Variants in SV2C observed in about 807,000 individuals in gnomAD.
SV2C encodes the protein solute carrier family 22 member B3.
SV2C carries 49 observed loss-of-function variants against 79.7 expected under a neutral mutation model. That is an observed-to-expected ratio of 0.61 (90% CI 0.49 to 0.78). The LOEUF is 0.78. Ranked by LOEUF, SV2C falls within the 30% of genes least tolerant of loss-of-function variation. SV2C has a pLI of 0.00. For synonymous variants in SV2C, 334 were observed against 333.2 expected (o/e 1.00, Z -0.03); for missense variants, 833 against 912.9 (o/e 0.91, Z 1.13).
chr5:76,336,050 G>A (rs1411059738), downstream of SV2C, among the ~76,000 whole-genome samples: 1 of 145,150 alleles, frequency 6.9e-6, no homozygotes, highest in Admixed American at 6.8e-5. Context: ...CGGGCGGGGG[G>A]CTGACCCCCC....
the SV2C span, among the ~76,000 whole-genome samples, chr5:75,909,820 A>G: frequency 6.6e-6 from 1 of 152,158 alleles, no homozygotes; most frequent in Admixed American, 6.5e-5. Flanking sequence ...AATTGTACCT[A>G]TTTGCCCATC....
chr5:76,137,531 A>G (rs1212038702), intron 2 of SV2C, among the ~76,000 whole-genome samples: 1 of 152,090 alleles, frequency 6.6e-6, no homozygotes, highest in Non-Finnish European at 1.5e-5. Flanking sequence ...TGAGATTCTG[A>G]AAAGGGAGGT....
the SV2C span, among the ~76,000 whole-genome samples, chr5:75,999,287 T>C: frequency 3.3e-5 from 5 of 151,064 alleles, no homozygotes; most frequent in Non-Finnish European, 7.4e-5. Flanking sequence ...TATGTACATA[T>C]ATATACAGTA....
chr5:76,033,161 G>A, the SV2C span, among the ~76,000 whole-genome samples: 1 of 151,906 alleles, frequency 6.6e-6, no homozygotes, highest in Non-Finnish European at 1.5e-5. Context: ...TTTGTCAGAT[G>A]AGTAGGTTGC....
the SV2C span, among the ~76,000 whole-genome samples, chr5:75,902,942 G>A: frequency 6.6e-6 from 1 of 152,290 alleles, no homozygotes; most frequent in African/African-American, 2.4e-5. Context: ...AATGTTGACT[G>A]TGCACTGGGT....
chr5:76,054,237 T>C, the SV2C span, among the ~76,000 whole-genome samples: 29 of 152,202 alleles, frequency 1.9e-4, 1 homozygote, highest in South Asian at 6.0e-3. Flanking sequence ...AGTGAGAACA[T>C]GTGGTGTTTG....
intron 2 of SV2C, among the ~76,000 whole-genome samples, chr5:76,194,159 G>C (rs1460672675): frequency 2.0e-5 from 3 of 152,066 alleles, no homozygotes; most frequent in Non-Finnish European, 4.4e-5. Flanking sequence ...AAGGAGAAGG[G>C]GATAGGCGAG....
the SV2C span, among the ~76,000 whole-genome samples, chr5:75,881,674 T>C: frequency 6.6e-6 from 1 of 152,156 alleles, no homozygotes; most frequent in Admixed American, 6.5e-5. Context: ...CTGAAGTTGC[T>C]TATCAGCTTA....
intron 10 of SV2C, 57 bp downstream of exon 10, chr5:76,298,984 G>T: frequency 1.3e-6 from 2 of 1,581,188 alleles, no homozygotes; most frequent in Non-Finnish European, 1.7e-6. Context: ...GGCCCACTGT[G>T]ATAACCATGT....
At chr5:76,065,518 A>G in the SV2C span, among the ~76,000 whole-genome samples, 1 of 152,172 alleles carries the variant, frequency 6.6e-6, no homozygotes, top group Non-Finnish European at 1.5e-5. Context: ...GAACTTCAAA[A>G]TTTATTCTTT....
chr5:76,079,945 GTTTT>G (rs547913283), upstream of SV2C, among the ~76,000 whole-genome samples: 2 of 145,298 alleles, frequency 1.4e-5, no homozygotes, highest in Non-Finnish European at 3.0e-5. Context: ...AGCTTAGGGT[GTTTT>G]TTTTTTTGAA....
the SV2C span, among the ~76,000 whole-genome samples, chr5:75,891,553 G>T: frequency 1.8e-3 from 275 of 152,092 alleles, 2 homozygotes; most frequent in African/African-American, 6.0e-3. Context: ...TAACATTTTT[G>T]AATATCTTTC....
At position 76,292,707 on chromosome 5, in the gene SV2C, T is replaced by A. The variant is rs548959222; in HGVS notation, c.1337+851T>A. Reference sequence around the variant, plus strand: ...TGTTCACTGATGTATATTCCTGGCATGTAATAGCAGCTCAATAAATAGTTG... The same window carrying A: ...TGTTCACTGATGTATATTCCTGGCAAGTAATAGCAGCTCAATAAATAGTTG... On this transcript the variant is annotated intron_variant, in intron 8 of 12. Transcript: ENST00000502798. 6.6e-5 allele frequency among the ~76,000 whole-genome samples: 10 copies of A among 152,328 alleles called. 1 individual carries two copies. In the South Asian group the frequency reaches 2.1e-3, roughly 32 times the overall value.
At chr5:75,891,522 GTAAA>G in the SV2C span, among the ~76,000 whole-genome samples, 3 of 152,206 alleles carry the variant, frequency 2.0e-5, no homozygotes, top group South Asian at 2.1e-4. Flanking sequence ...ACTATATTGA[GTAAA>G]TACTTTTAAA....
At chr5:76,072,796 C>T in the SV2C span, among the ~76,000 whole-genome samples, 1 of 152,172 alleles carries the variant, frequency 6.6e-6, no homozygotes, top group Non-Finnish European at 1.5e-5. Context: ...TATGGCCATT[C>T]TTGCAGAAGT....
chr5:76,141,823 CAAAAAAAAA>C (rs11313342), intron 2 of SV2C, among the ~76,000 whole-genome samples: 6 of 72,474 alleles, frequency 8.3e-5, no homozygotes, highest in East Asian at 3.7e-4. Flanking sequence ...AAGTCCATCT[CAAAAAAAAA>C]AAAAAAAAAA....
intron 2 of SV2C, among the ~76,000 whole-genome samples, chr5:76,189,574 G>A (rs1744032833): frequency 6.6e-6 from 1 of 152,176 alleles, no homozygotes; most frequent in Admixed American, 6.5e-5. Context: ...AAATATGTAT[G>A]TAAATATGGT....
At chr5:75,983,326 C>T in the SV2C span, among the ~76,000 whole-genome samples, 1 of 152,050 alleles carries the variant, frequency 6.6e-6, no homozygotes, top group Non-Finnish European at 1.5e-5. Context: ...AACAGAACTA[C>T]TTAACTTTCA....
chr5:76,116,812 T>C (rs761204207), intron 1 of SV2C, among the ~76,000 whole-genome samples: 1 of 152,210 alleles, frequency 6.6e-6, no homozygotes, highest in Non-Finnish European at 1.5e-5. Flanking sequence ...TCCTTGAGCA[T>C]CTTCTTTCCC....
Sources: allele counts gnomAD v4.1 joint callset (sites outside exome capture counted in the v4.1 genomes callset), GRCh38; gene constraint gnomAD v4.1.1; transcripts MANE v1.5; gene names NCBI Gene and HGNC (gene_info 2026-07-23, HGNC 2026-07-21).